CEP126: variants seen among roughly 807,000 people sequenced by gnomAD.
CEP126 encodes the protein centrosomal protein of 126 kDa.
A neutral mutation model predicts 107.8 loss-of-function variants in CEP126; 74 were observed. That is an observed-to-expected ratio of 0.69 (90% confidence interval 0.57 to 0.83). CEP126 has a LOEUF of 0.83. Among genes scored for constraint, CEP126 ranks in the 40% least tolerant of loss-of-function variants. CEP126 has a pLI of 0.00. For synonymous variants in CEP126, 449 were observed against 446.0 expected, an observed-to-expected ratio of 1.01 and a Z score of -0.08; for missense variants, 1,237 against 1,281.9, an observed-to-expected ratio of 0.96 and a Z score of 0.53.
At chr11:101,959,219 C>T (rs552284929) in intron 5 of CEP126, among the ~76,000 whole-genome samples, 13 of 150,768 alleles carry the variant, frequency 8.6e-5, no homozygotes, top group South Asian at 2.1e-4. Context: ...TACAGTGGTG[C>T]AATCTCGGCT....
At chr11:101,917,538 AT>A (rs1320398234) in intron 1 of CEP126, among the ~76,000 whole-genome samples, 1 of 152,004 alleles carries the variant, frequency 6.6e-6, no homozygotes, top group East Asian at 1.9e-4. Context: ...TTTAATTAAA[AT>A]TAGCTAAAGT....
intron 2 of CEP126, among the ~76,000 whole-genome samples, chr11:101,937,881 C>T (rs577797144): frequency 4.6e-5 from 7 of 151,454 alleles, no homozygotes; most frequent in African/African-American, 1.5e-4. Context: ...TGGCCGGGCG[C>T]GGTGGCTCAC....
intron 8 of CEP126, among the ~76,000 whole-genome samples, chr11:101,984,597 T>C (rs1466952665): frequency 1.3e-5 from 2 of 152,130 alleles, no homozygotes; most frequent in African/African-American, 4.8e-5. Flanking sequence ...AAGGTGCCAA[T>C]TGACAATATG....
chr11:101,930,102 G>A lies in CEP126; in HGVS notation c.248+7342G>A, dbSNP rs192423811. 1.4e-3 allele frequency among the ~76,000 whole-genome samples: 208 copies of A among 150,834 alleles called. 1 individual carries two copies. Among genetic ancestry groups the A allele is most frequent in the Non-Finnish European group, 2.2e-3 (149 of 67,890 alleles). ...TTAAGCACCATGTCCTTTCTCAGGC[G>A]CCAGGGTCCCTAGCCTGCTGACCTC... On this transcript the variant is annotated intron_variant, in intron 2 of 10. Coordinates refer to ENST00000263468, the MANE Select transcript of CEP126 (RefSeq NM_020802.4).
chr11:101,964,423 T>C (rs1206905587), intron 6 of CEP126, among the ~76,000 whole-genome samples: 1 of 151,478 alleles, frequency 6.6e-6, no homozygotes, highest in Non-Finnish European at 1.5e-5. Context: ...TACTTGAAGT[T>C]GGAAGTTCGA....
intron 4 of CEP126, among the ~76,000 whole-genome samples, chr11:101,954,903 A>G (rs1940864183): frequency 6.6e-6 from 1 of 152,192 alleles, no homozygotes; most frequent in South Asian, 2.1e-4. Flanking sequence ...GAAACCATTG[A>G]TAAACTACTA....
intron 6 of CEP126, among the ~76,000 whole-genome samples, chr11:101,977,357 G>T (rs536953364): frequency 6.6e-6 from 1 of 152,084 alleles, no homozygotes; most frequent in South Asian, 2.1e-4. Flanking sequence ...AAAAGGCCGG[G>T]TGCAGTGGCT....
chr11:101,915,193 T>C lies in CEP126; in HGVS notation c.-92T>C. The C allele has an allele frequency of 6.5e-7, 1 of 1,549,802 alleles. No homozygotes were observed. The highest frequency in any genetic ancestry group is 8.8e-7 in the Non-Finnish European group (1 of 1,140,950). ...GTGACGCGGGGCCTGAGAGACGGAG[T>C]GTAGGGAGGGGCCGAGCAGGAGGAG... On this transcript the variant is annotated 5_prime_UTR_variant, in exon 1 of 11. Transcript: ENST00000263468.
intron 10 of CEP126, 128 bp downstream of exon 10, chr11:101,992,970 C>T: frequency 1.1e-6 from 1 of 931,760 alleles, no homozygotes; most frequent in Non-Finnish European, 1.4e-6. Flanking sequence ...AGGTTTTCTC[C>T]TCAACTGGCT....
chr11:101,979,683 A>G (rs1378367238), intron 7 of CEP126, among the ~76,000 whole-genome samples: 2 of 152,194 alleles, frequency 1.3e-5, no homozygotes, highest in African/African-American at 4.8e-5. Context: ...GGCTGCAGTA[A>G]GCTATGACTG....
chr11:101,994,017 T>C (rs376742425), intron 10 of CEP126, among the ~76,000 whole-genome samples: 273 of 152,310 alleles, frequency 1.8e-3, no homozygotes, highest in African/African-American at 6.1e-3. Flanking sequence ...GCTGGTCACC[T>C]GAGGTCAGTA....
chr11:101,962,259 A>G lies in CEP126; in HGVS notation c.1224A>G (p.Leu408=), dbSNP rs1276963784. 7 of 1,613,784 alleles carry G rather than the reference A, an allele frequency of 4.3e-6. No homozygotes were observed. In the African/African-American group the frequency reaches 8.0e-5, roughly 18 times the overall value. The change falls in exon 6 of 11, where the codon TTA becomes TTG. Residue 408 remains leucine (L), a synonymous_variant. Coordinates refer to ENST00000263468, the MANE Select transcript of CEP126 (RefSeq NM_020802.4). Reference sequence around the variant, plus strand: ...GAGCATTCAAAAGAGAGAGACCATTAGTTACTGAGAGCCCAACATTTAAAT... The same window carrying G: ...GAGCATTCAAAAGAGAGAGACCATTGGTTACTGAGAGCCCAACATTTAAAT... ...TSGAFKRERP[L]VTESPTFKFS... is the part of the protein sequence containing the mutation.
At chr11:101,936,949 AT>A in intron 2 of CEP126, among the ~76,000 whole-genome samples, 1 of 152,162 alleles carries the variant, frequency 6.6e-6, no homozygotes. Context: ...TTGAGTGCTC[AT>A]TATCTCAAAT....
chr11:101,961,748 G>T lies in CEP126; in HGVS notation c.713G>T (p.Cys238Phe). Residue 238 changes from cysteine to phenylalanine, a missense_variant, in exon 6 of 11, where the codon TGT becomes TTT. Cys to Phe is a radical substitution (Grantham distance 205). Transcript: ENST00000263468. ...TGTTCTTTTTTTTTCCAGAAATTTT[G>T]TGATGAAGTTAATCAGATAACCAAT... ...DQHLSNLQKFCDEVNQITNSE... is the reference protein window; with the variant it reads ...DQHLSNLQKFFDEVNQITNSE... 1.3e-6 allele frequency: 2 copies of T among 1,496,208 alleles called. No individual in the cohort carries two copies. The highest frequency in any genetic ancestry group is 1.8e-6 in the Non-Finnish European group (2 of 1,111,858). The allele number at this position is 1,496,208 out of a possible 1,614,324, so 92.7% of individuals were successfully genotyped here. A position where few individuals can be genotyped will look rare whatever the true frequency, so the allele number is the denominator to read the frequency against.
At chr11:101,947,838 G>A (rs1940758074) in intron 3 of CEP126, among the ~76,000 whole-genome samples, 193 bp from the exon 4 acceptor site, 2 of 152,042 alleles carry the variant, frequency 1.3e-5, no homozygotes, top group African/African-American at 4.8e-5. Context: ...AATTGGTGAT[G>A]AAAACTTTGA....
intron 8 of CEP126, among the ~76,000 whole-genome samples, chr11:101,983,117 C>A (rs1195038897): frequency 6.6e-6 from 1 of 152,066 alleles, no homozygotes; most frequent in Non-Finnish European, 1.5e-5. Context: ...TTTGCTTTTT[C>A]TCTGCTTTGT....
At chr11:101,926,152 C>A (rs954875806) in intron 2 of CEP126, among the ~76,000 whole-genome samples, 13 of 151,992 alleles carry the variant, frequency 8.6e-5, no homozygotes, top group Admixed American at 7.9e-4. Flanking sequence ...TAAAAGATGG[C>A]AATGCTATGC....
At chr11:101,985,347 A>C (rs922386627) in intron 8 of CEP126, among the ~76,000 whole-genome samples, 1 of 151,430 alleles carries the variant, frequency 6.6e-6, no homozygotes, top group African/African-American at 2.4e-5. Flanking sequence ...CAATGGTGCA[A>C]TCTTGGTTCA....
At position 101,996,053 on chromosome 11, in the gene CEP126, G is replaced by C. The variant is rs79211829; in HGVS notation, c.3310-1546G>C. Among the ~76,000 whole-genome samples, 15 of 152,316 alleles carry C rather than the reference G, an allele frequency of 9.8e-5. No homozygotes were observed. The East Asian group carries it at 2.9e-3, about 29-fold the overall frequency. On this transcript the variant is annotated intron_variant, in intron 10 of 10. Transcript: ENST00000263468. ...GTTAGAAGATCATCATGGTTAGTCA[G>C]TGATGGACAAATACAAAGGTGCCCA...
Sources: gnomAD v4.1 joint callset for allele counts (sites outside exome capture counted in the v4.1 genomes callset) on GRCh38, gnomAD v4.1.1 for gene constraint, MANE v1.5 for transcripts, NCBI Gene and HGNC (gene_info 2026-07-23, HGNC 2026-07-21) for gene names.